SIPA1L1: variants seen among roughly 807,000 people sequenced by gnomAD.
The protein encoded by SIPA1L1 is signal-induced proliferation-associated 1-like protein 1.
A neutral mutation model predicts 162.7 loss-of-function variants in SIPA1L1; 26 were observed. That is an observed-to-expected ratio of 0.16 (90% CI 0.12 to 0.22). The LOEUF is 0.22. Ranked by LOEUF, SIPA1L1 falls within the 10% of genes least tolerant of loss-of-function variation. The pLI is 1.00. For synonymous variants in SIPA1L1, 829 were observed against 837.4 expected, an observed-to-expected ratio of 0.99 and a Z score of 0.17; for missense variants, 1,874 against 2,241.0, an observed-to-expected ratio of 0.84 and a Z score of 3.31.
intron 2 of SIPA1L1, among the ~76,000 whole-genome samples, chr14:71,491,520 T>TTTG (rs71105781): frequency 0.28 from 42,923 of 151,088 alleles, 7,255 homozygotes; most frequent in Middle Eastern, 0.48. Flanking sequence ...GAGCAACCTG[T>TTTG]TTGTTGTTGT....
chr14:71,730,061 G>A lies in SIPA1L1; in HGVS notation c.4621G>A (p.Ala1541Thr), dbSNP rs769369147. The A allele has an allele frequency of 4.3e-6, 7 of 1,613,246 alleles. No individual in the cohort carries two copies. Among genetic ancestry groups the A allele is most frequent in the Non-Finnish European group, 5.1e-6 (6 of 1,179,606 alleles). ...TCTTGATCCTGTTTTTCAGTTCCAC[G>A]CACTCTCCTCTCCTCAGTCTCCTTT... The part of the protein sequence containing the change: ...PESQKSFKFH[A>T]LSSPQSPFPS... The change falls in exon 20 of 24, where the codon GCA (alanine) becomes ACA (threonine). Residue 1541 changes from alanine to threonine, a missense_variant. By Grantham distance (58) the Ala-to-Thr change is moderately conservative. Around this residue, in one of 5 missense-constraint regions of SIPA1L1, gnomAD observed 936 missense variants for 1,051.9 expected, o/e 0.89. Transcript: ENST00000381232.
intron 3 of SIPA1L1, among the ~76,000 whole-genome samples, chr14:71,516,023 A>G (rs939198614): frequency 1.3e-5 from 2 of 152,222 alleles, no homozygotes; most frequent in Non-Finnish European, 2.9e-5. Flanking sequence ...GATGTTTTCA[A>G]ACTGTTAAAA....
At chr14:71,342,466 A>G (rs2035762045) in intron 2 of SIPA1L1, among the ~76,000 whole-genome samples, 2 of 152,314 alleles carry the variant, frequency 1.3e-5, no homozygotes, top group African/African-American at 4.8e-5. Context: ...GTCCCCTAGA[A>G]ATATACAGAT....
intron 17 of SIPA1L1, among the ~76,000 whole-genome samples, chr14:71,713,346 CT>C (rs1466884996): frequency 6.6e-6 from 1 of 152,162 alleles, no homozygotes; most frequent in African/African-American, 2.4e-5. Flanking sequence ...AGCTGCAGTG[CT>C]TATAGGTGTA....
chr14:71,719,832 C>T (rs2083558529), intron 17 of SIPA1L1, among the ~76,000 whole-genome samples: 1 of 152,130 alleles, frequency 6.6e-6, no homozygotes, highest in South Asian at 2.1e-4. Context: ...TTCAAATTTA[C>T]CGAAAAGTTG....
intron 6 of SIPA1L1, among the ~76,000 whole-genome samples, chr14:71,623,504 C>T (rs1367329488): frequency 1.3e-5 from 2 of 152,180 alleles, no homozygotes; most frequent in African/African-American, 4.8e-5. Context: ...ATTTCAGCTG[C>T]TATTGCCTGT....
intron 2 of SIPA1L1, among the ~76,000 whole-genome samples, chr14:71,466,283 A>G (rs1227436975): frequency 6.6e-6 from 1 of 152,186 alleles, no homozygotes; most frequent in Non-Finnish European, 1.5e-5. Flanking sequence ...CCTGCTGTTT[A>G]CTAGGGGAGA....
chr14:71,395,418 T>C (rs1431687361), intron 2 of SIPA1L1, among the ~76,000 whole-genome samples: 1 of 152,124 alleles, frequency 6.6e-6, no homozygotes, highest in African/African-American at 2.4e-5. Flanking sequence ...CCTAGCGTTT[T>C]GGGAGGCTGA....
chr14:71,473,148 G>C (rs1311024075), intron 2 of SIPA1L1, among the ~76,000 whole-genome samples: 1 of 152,052 alleles, frequency 6.6e-6, no homozygotes, highest in Non-Finnish European at 1.5e-5. Context: ...GAATGACTAA[G>C]AGAGACCATG....
At chr14:71,431,647 T>TTGC (rs2044000147) in intron 2 of SIPA1L1, among the ~76,000 whole-genome samples, 2 of 152,250 alleles carry the variant, frequency 1.3e-5, no homozygotes, top group South Asian at 4.1e-4. Flanking sequence ...TGAGCTGTGA[T>TTGC]TGCACCACTG....
chr14:71,704,602 G>C (rs1566694173), intron 15 of SIPA1L1: 1 of 702,820 alleles, frequency 1.4e-6, no homozygotes, highest in Non-Finnish European at 2.6e-6. Flanking sequence ...TGGTGTTATG[G>C]AGGATAAATT....
At chr14:71,329,745 C>G (rs896407069) in intron 2 of SIPA1L1, among the ~76,000 whole-genome samples, 2 of 152,102 alleles carry the variant, frequency 1.3e-5, no homozygotes, top group African/African-American at 4.8e-5. Flanking sequence ...TGTATATTAT[C>G]TCTGCATATA....
At chr14:71,408,611 C>T (rs1469001102) in intron 2 of SIPA1L1, among the ~76,000 whole-genome samples, 1 of 152,166 alleles carries the variant, frequency 6.6e-6, no homozygotes, top group Non-Finnish European at 1.5e-5. Flanking sequence ...CAGGTTTGTG[C>T]CTCCACCCCC....
chr14:71,454,624 A>G (rs2046060368), intron 2 of SIPA1L1, among the ~76,000 whole-genome samples: 1 of 152,218 alleles, frequency 6.6e-6, no homozygotes, highest in Non-Finnish European at 1.5e-5. Flanking sequence ...AATGGAATAG[A>G]CACTTAGAAA....
chr14:71,362,999 A>G (rs1455975250), intron 2 of SIPA1L1, among the ~76,000 whole-genome samples: 2 of 152,218 alleles, frequency 1.3e-5, no homozygotes, highest in African/African-American at 2.4e-5. Context: ...TAGAGAAGCA[A>G]TATGTAATGG....
At chr14:71,544,946 T>G (rs1250244528) in intron 4 of SIPA1L1, among the ~76,000 whole-genome samples, 3 of 152,224 alleles carry the variant, frequency 2.0e-5, no homozygotes, top group Non-Finnish European at 4.4e-5. Flanking sequence ...CACTGCAGCC[T>G]TGAATCCCTG....
chr14:71,419,566 C>G (rs1270626687), intron 2 of SIPA1L1, among the ~76,000 whole-genome samples: 1 of 145,728 alleles, frequency 6.9e-6, no homozygotes, highest in Non-Finnish European at 1.5e-5. Flanking sequence ...GGCGCAATCT[C>G]GGCTCACTGC....
At chr14:71,627,174 T>TTTTTTG (rs2040101213) in intron 7 of SIPA1L1, among the ~76,000 whole-genome samples, 2 of 107,344 alleles carry the variant, frequency 1.9e-5, no homozygotes, top group Non-Finnish European at 3.8e-5. Context: ...TTTTTTTTTT[T>TTTTTTG]GAGACAGGGT....
At chr14:71,322,055 C>T (rs147267308) in intron 2 of SIPA1L1, among the ~76,000 whole-genome samples, 1 of 152,328 alleles carries the variant, frequency 6.6e-6, no homozygotes, top group East Asian at 1.9e-4. Context: ...ATGCATACTA[C>T]CTGTGAAACG....
Sources: gnomAD v4.1 joint callset for allele counts (sites outside exome capture counted in the v4.1 genomes callset) on GRCh38, gnomAD v4.1.1 for gene constraint, gnomAD v4.1.1 regional missense constraint, MANE v1.5 for transcripts, NCBI Gene and HGNC (gene_info 2026-07-23, HGNC 2026-07-21) for gene names.